Variants in CELF1 observed in about 807,000 individuals in gnomAD.
The protein encoded by CELF1 is CUGBP Elav-like family member 1.
CELF1 carries 10 observed loss-of-function variants against 61.8 expected under a neutral mutation model. The observed-to-expected ratio is 0.16, with a 90% confidence interval of 0.10 to 0.27. The LOEUF is 0.27. Among genes scored for constraint, CELF1 ranks in the 10% least tolerant of loss-of-function variants. The probability of loss-of-function intolerance (pLI) is 1.00; values close to 1 mark genes in which losing one functional copy is unlikely to be tolerated. For missense variants in CELF1, 380 were observed against 639.1 expected (o/e 0.59, Z 4.37); for synonymous variants, 236 against 225.1 (o/e 1.05, Z -0.43).
chr11:47,477,319 G>A lies in CELF1; in HGVS notation c.951C>T (p.Pro317=). ...TACCTGAACTAGTGAGCACGCTGAG[G>A]GGACTGCTGGATGTAGTGAGAGCAT... ...GTNALTTSSS[P]LSVLTSSAGS... is the part of the protein sequence containing the mutation. The change falls in exon 11 of 15, where the codon CCC becomes CCT. Residue 317 remains proline, a synonymous_variant. Transcript: ENST00000687097. 6.2e-7 allele frequency: 1 copy of A among 1,614,088 alleles called. No homozygotes were observed. Among genetic ancestry groups the A allele is most frequent in the Non-Finnish European group, 8.5e-7 (1 of 1,179,990 alleles).
At chr11:47,495,095 G>C (rs927031665) in intron 3 of CELF1, among the ~76,000 whole-genome samples, 20 of 152,162 alleles carry the variant, frequency 1.3e-4, no homozygotes, top group Admixed American at 3.3e-4. Flanking sequence ...TTATTTGACA[G>C]CACTACTTTA....
In CELF1 at chr11:47,465,976, G is replaced by A. The variant is rs1231947082; in HGVS notation, c.*6254C>T. 1 of 152,118 alleles carries A rather than the reference G, an allele frequency of 6.6e-6. No individual in the cohort carries two copies. Among genetic ancestry groups the A allele is most frequent in the Non-Finnish European group, 1.5e-5 (1 of 68,028 alleles). 9.4% of individuals were successfully genotyped at this position (152,118 alleles called of 1,614,324 possible). On this transcript the variant is annotated 3_prime_UTR_variant, in exon 15 of 15. Transcript: ENST00000687097. ...TTTAATAGCAAATAAACAAAGGAAG[G>A]TACCACACTTGGCAGATACAAAATG...
At chr11:47,533,943 A>G (rs1053338137) in intron 1 of CELF1, among the ~76,000 whole-genome samples, 5 of 151,258 alleles carry the variant, frequency 3.3e-5, no homozygotes, top group East Asian at 1.9e-4. Context: ...TATAAACTCA[A>G]CTGAAGTTTC....
chr11:47,546,515 G>A (rs2096955859), intron 1 of CELF1, among the ~76,000 whole-genome samples: 1 of 152,138 alleles, frequency 6.6e-6, no homozygotes, highest in Non-Finnish European at 1.5e-5. Flanking sequence ...ACAGGTATGA[G>A]CCACCACGCC....
chr11:47,548,304 A>AGGTTAGGTTT (rs2097034324), intron 1 of CELF1, among the ~76,000 whole-genome samples: 1 of 152,238 alleles, frequency 6.6e-6, no homozygotes, highest in East Asian at 1.9e-4. Flanking sequence ...GTCTCAAAAA[A>AGGTTAGGTTT]AAAGGTTAAA....
chr11:47,470,937 A>G lies in CELF1; in HGVS notation c.*1293T>C, dbSNP rs2077561676. On this transcript the variant is annotated 3_prime_UTR_variant, in exon 15 of 15. Transcript: ENST00000687097. ...AACTGTAGCACGAGGACAAAAATGA[A>G]CACGGTAATACTGAGGTAAATGAAC... 6.6e-6 allele frequency: 1 copy of G among 152,178 alleles called. No homozygotes were observed. The highest frequency in any genetic ancestry group is 2.1e-4 in the South Asian group (1 of 4,822). The allele number at this position is 152,178 out of a possible 1,614,324, so 9.4% of individuals were successfully genotyped here.
chr11:47,553,595 C>G (rs896821159), upstream of CELF1, among the ~76,000 whole-genome samples: 11 of 152,138 alleles, frequency 7.2e-5, no homozygotes, highest in African/African-American at 2.7e-4. Context: ...TGGCACGCCC[C>G]TTTTTGCCCC....
intron 1 of CELF1, among the ~76,000 whole-genome samples, chr11:47,512,090 T>C (rs984604144): frequency 6.6e-6 from 1 of 152,160 alleles, no homozygotes; most frequent in African/African-American, 2.4e-5. Context: ...GTTTAGGCAA[T>C]CCACCCTCCT....
intron 14 of CELF1, 139 bp from the exon 15 acceptor site, chr11:47,472,496 T>A (rs2078052138): frequency 2.3e-6 from 2 of 880,072 alleles, no homozygotes; most frequent in East Asian, 5.0e-5. Flanking sequence ...GGACATTATG[T>A]CATACGAAAT....
In CELF1 at chr11:47,468,432, T is replaced by G. The variant is rs1212747384; in HGVS notation, c.*3798A>C. 6.6e-6 allele frequency: 1 copy of G among 152,624 alleles called. No homozygotes were observed. Among genetic ancestry groups the G allele is most frequent in the Non-Finnish European group, 1.5e-5 (1 of 68,040 alleles). The allele number at this position is 152,624 out of a possible 1,614,324, so 9.5% of individuals were successfully genotyped here. A position where few individuals can be genotyped will look rare whatever the true frequency, so the allele number is the denominator to read the frequency against. On this transcript the variant is annotated 3_prime_UTR_variant, in exon 15 of 15. Transcript: ENST00000687097. ...GACATCTTTTATTTCATTGTTTACT[T>G]CAAAGTTGTCTTTAAAACTAAGCAC...
rs796761414 is a variant in CELF1, at chr11:47,506,126, T to TA, written c.-153-5195dup. Among the ~76,000 whole-genome samples the TA allele has an allele frequency of 1.6e-3, 233 of 143,012 alleles. 4 individuals are homozygous for TA. Among genetic ancestry groups the TA allele is most frequent in the African/African-American group, 3.4e-3 (135 of 39,426 alleles). The allele number at this position is 143,012 out of a possible 152,430, so 93.8% of individuals were successfully genotyped here. ...AATATACTAATGATAGCCGATGAGT[T>TA]AAAAAAAAAAAATTTGCAGGCTGGG... On this transcript the variant is annotated intron_variant, in intron 1 of 14. Coordinates refer to ENST00000687097, the MANE Select transcript of CELF1 (RefSeq NM_001376376.1).
At chr11:47,564,191 A>G (rs983409144) in intron 2 of CELF1, among the ~76,000 whole-genome samples, 3 of 149,046 alleles carry the variant, frequency 2.0e-5, no homozygotes, top group Admixed American at 6.7e-5. Context: ...AAAAAAAAAA[A>G]AAAGAAAGCC....
At chr11:47,483,590 C>G in intron 7 of CELF1, 58 bp from the exon 8 acceptor site, 1 of 1,277,796 alleles carries the variant, frequency 7.8e-7, no homozygotes, top group Non-Finnish European at 1.1e-6. Flanking sequence ...CAAACATTAA[C>G]TGAGCACCTA....
intron 1 of CELF1, among the ~76,000 whole-genome samples, chr11:47,523,009 A>G (rs2096032741): frequency 6.6e-6 from 1 of 152,126 alleles, no homozygotes; most frequent in Admixed American, 6.6e-5. Context: ...GTTAGAGTCC[A>G]GTATATCTTC....
At chr11:47,498,938 T>C (rs975168980) in intron 3 of CELF1, among the ~76,000 whole-genome samples, 1 of 142,288 alleles carries the variant, frequency 7.0e-6, no homozygotes, top group Non-Finnish European at 1.5e-5. Context: ...TCGGCGGGGG[T>C]GGGGGGAATC....
chr11:47,548,060 G>C (rs113869748), intron 1 of CELF1, among the ~76,000 whole-genome samples: 12 of 152,156 alleles, frequency 7.9e-5, no homozygotes, highest in African/African-American at 2.9e-4. Flanking sequence ...CAACACTTTG[G>C]GAGGCTGAGG....
intron 5 of CELF1, 126 bp from the exon 6 acceptor site, chr11:47,486,924 T>C (rs2087702060): frequency 3.7e-6 from 3 of 802,684 alleles, no homozygotes; most frequent in Non-Finnish European, 6.2e-6. Context: ...TGCTTCATGA[T>C]CTTTCCCCAG....
upstream of CELF1, among the ~76,000 whole-genome samples, chr11:47,553,827 T>TTC (rs1366190323): frequency 6.6e-6 from 1 of 151,364 alleles, no homozygotes; most frequent in Non-Finnish European, 1.5e-5. Flanking sequence ...TATTTTTTTT[T>TTC]CTTAACTCAG....
At chr11:47,487,826 A>G (rs1359505789) in intron 4 of CELF1, among the ~76,000 whole-genome samples, 1 of 152,212 alleles carries the variant, frequency 6.6e-6, no homozygotes, top group East Asian at 1.9e-4. Context: ...GTGCTGCCTC[A>G]GATCTGTAGA....
Sources: allele counts gnomAD v4.1 joint callset (sites outside exome capture counted in the v4.1 genomes callset), GRCh38; gene constraint gnomAD v4.1.1; transcripts MANE v1.5; gene names NCBI Gene and HGNC (gene_info 2026-07-23, HGNC 2026-07-21).